Variants in RABEP1 observed in about 807,000 individuals in gnomAD.
RABEP1 encodes the protein rab GTPase-binding effector protein 1.
Under a neutral mutation model 123.4 loss-of-function variants are expected in RABEP1, and 51 were observed. The observed-to-expected ratio is 0.41, with a 90% CI of 0.33 to 0.52. The LOEUF is 0.52. Ranked by LOEUF, RABEP1 falls within the 20% of genes least tolerant of loss-of-function variation. The pLI, the probability that RABEP1 is intolerant of heterozygous loss-of-function variation, is 0.16. For synonymous variants in RABEP1, 347 were observed against 355.2 expected (o/e 0.98, Z 0.26); for missense variants, 888 against 996.3 (o/e 0.89, Z 1.46).
At chr17:5,383,099 TTA>T in intron 17 of RABEP1, 21 bp from the exon 18 acceptor site, 1 of 1,605,522 alleles carries the variant, frequency 6.2e-7, no homozygotes, top group East Asian at 2.2e-5. Context: ...CCACCTGTAG[TTA>T]TCTCACCATT....
intron 2 of RABEP1, among the ~76,000 whole-genome samples, chr17:5,310,151 A>G (rs2075222264): frequency 6.6e-6 from 1 of 152,146 alleles, no homozygotes; most frequent in South Asian, 2.1e-4. Flanking sequence ...GTGATCATGC[A>G]CCTTTTTTAA....
chr17:5,361,847 T>TG, intron 9 of RABEP1, 172 bp downstream of exon 9: 2 of 599,338 alleles, frequency 3.3e-6, no homozygotes, highest in South Asian at 2.2e-5. Context: ...GCCTTGGGTA[T>TG]TCCAGGTAAT....
At position 5,361,316 on chromosome 17, in the gene RABEP1, C is replaced by T; in HGVS notation, c.1204C>T (p.Leu402Phe). ...GGACAATGACATGTTTAAAGATGGA[C>T]TCAGGAGAGCACAGTCTACAGACAG... is the stretch of plus-strand genomic sequence containing the variant. ...KSDNDMFKDG[L>F]RRAQSTDSLG... Residue 402 changes from leucine (L) to phenylalanine (F), a missense_variant, in exon 9 of 18, where the codon CTC (leucine) becomes TTC (phenylalanine). Transcript: ENST00000537505. 2 of 1,614,124 alleles carry T rather than the reference C, an allele frequency of 1.2e-6. No homozygotes were observed. Among genetic ancestry groups the T allele is most frequent in the South Asian group, 2.2e-5 (2 of 91,082 alleles).
chr17:5,361,879 C>G (rs1468759616), intron 9 of RABEP1: 1 of 553,198 alleles, frequency 1.8e-6, no homozygotes, highest in African/African-American at 1.9e-5. Context: ...AAGGAGCTAG[C>G]TAGTTAATCA....
intron 2 of RABEP1, among the ~76,000 whole-genome samples, chr17:5,326,214 A>G (rs1429345678): frequency 2.6e-5 from 4 of 152,238 alleles, no homozygotes; most frequent in South Asian, 4.1e-4. Flanking sequence ...AGCTTTATTC[A>G]TAATTGTCAC....
intron 5 of RABEP1, among the ~76,000 whole-genome samples, chr17:5,341,885 TAAA>T: frequency 6.6e-6 from 1 of 152,252 alleles, no homozygotes; most frequent in Non-Finnish European, 1.5e-5. Flanking sequence ...AATAACTTAG[TAAA>T]GGGCTATTTA....
intron 1 of RABEP1, among the ~76,000 whole-genome samples, chr17:5,299,719 C>CTTT (rs146585957): frequency 0.016 from 1,604 of 98,496 alleles, 157 homozygotes; most frequent in Non-Finnish European, 0.021. Flanking sequence ...TTTTTCTTTT[C>CTTT]TTTTTCTTTT....
intron 17 of RABEP1, 123 bp downstream of exon 17, chr17:5,381,628 A>G (rs1597304190): frequency 7.0e-7 from 1 of 1,421,640 alleles, no homozygotes; most frequent in East Asian, 2.5e-5. Context: ...TCCTACCTCC[A>G]CCCCAAATGT....
chr17:5,320,690 A>G (rs1203576798), intron 2 of RABEP1, among the ~76,000 whole-genome samples: 3 of 152,200 alleles, frequency 2.0e-5, no homozygotes, highest in African/African-American at 7.2e-5. Context: ...CTATTTTTTA[A>G]GATAAGTTGT....
intron 3 of RABEP1, among the ~76,000 whole-genome samples, chr17:5,333,633 C>T (rs143287145): frequency 6.6e-6 from 1 of 152,154 alleles, no homozygotes; most frequent in African/African-American, 2.4e-5. Context: ...ATAACAAACC[C>T]AACTACAGTG....
intron 1 of RABEP1, among the ~76,000 whole-genome samples, chr17:5,295,383 C>T (rs530024262): frequency 3.0e-5 from 4 of 135,468 alleles, no homozygotes; most frequent in Middle Eastern, 3.6e-3. Flanking sequence ...AGGAAGATTC[C>T]GTCTCAAAAA....
chr17:5,378,499 G>C, intron 15 of RABEP1: 1 of 530,626 alleles, frequency 1.9e-6, no homozygotes, highest in Non-Finnish European at 3.4e-6. Flanking sequence ...GATAGGCAAG[G>C]CATGGTCATA....
intron 16 of RABEP1, 70 bp downstream of exon 16, chr17:5,380,532 GAAAA>G (rs757270585): frequency 8.0e-7 from 1 of 1,250,246 alleles, no homozygotes. Context: ...CTTGCTTGTT[GAAAA>G]AAAAATATTG....
At chr17:5,336,875 T>C (rs1907140084) in intron 4 of RABEP1, among the ~76,000 whole-genome samples, 1 of 152,242 alleles carries the variant, frequency 6.6e-6, no homozygotes, top group South Asian at 2.1e-4. Context: ...AACCTGTTTT[T>C]TGAGGGGTAT....
intron 16 of RABEP1, among the ~76,000 whole-genome samples, chr17:5,380,766 G>A (rs1293295745): frequency 1.3e-5 from 2 of 152,240 alleles, no homozygotes; most frequent in Admixed American, 6.5e-5. Context: ...CATTCCATTT[G>A]ACTGATGTAT....
intron 6 of RABEP1, among the ~76,000 whole-genome samples, chr17:5,347,978 AAT>A (rs1359761262): frequency 6.6e-6 from 1 of 152,130 alleles, no homozygotes; most frequent in Non-Finnish European, 1.5e-5. Flanking sequence ...CACAATAAAA[AAT>A]AGAGTCTTTT....
At chr17:5,366,387 T>C (rs1400492946) in intron 11 of RABEP1, among the ~76,000 whole-genome samples, 1 of 152,214 alleles carries the variant, frequency 6.6e-6, no homozygotes, top group Admixed American at 6.5e-5. Context: ...GTGTCCTTTA[T>C]ATAATGTTAG....
At chr17:5,368,725 T>TA (rs1342534245) in intron 12 of RABEP1, among the ~76,000 whole-genome samples, 6 of 152,218 alleles carry the variant, frequency 3.9e-5, no homozygotes, top group African/African-American at 1.4e-4. Context: ...CTAAACAGAA[T>TA]AAACTATGGA....
chr17:5,346,499 G>A (rs1908077223), intron 5 of RABEP1, among the ~76,000 whole-genome samples: 1 of 152,200 alleles, frequency 6.6e-6, no homozygotes, highest in Admixed American at 6.5e-5. Flanking sequence ...ATATGTTGAT[G>A]TGGGAATACA....
Sources: allele counts gnomAD v4.1 joint callset (sites outside exome capture counted in the v4.1 genomes callset), GRCh38; gene constraint gnomAD v4.1.1; transcripts MANE v1.5; gene names NCBI Gene and HGNC (gene_info 2026-07-23, HGNC 2026-07-21).